Variants in CCDC180 observed in about 807,000 individuals in gnomAD.
CCDC180 encodes coiled-coil domain-containing protein 180.
CCDC180 carries 154 observed loss-of-function variants against 209.2 expected under a neutral mutation model. That is an observed-to-expected ratio of 0.74 (90% CI 0.65 to 0.84). CCDC180 has a LOEUF of 0.84. Among genes scored for constraint, CCDC180 ranks in the 40% least tolerant of loss-of-function variants. The probability of loss-of-function intolerance (pLI) is 0.00; values close to 1 mark genes in which losing one functional copy is unlikely to be tolerated. For missense variants in CCDC180, 1,874 were observed against 1,997.3 expected (o/e 0.94, Z 1.18); for synonymous variants, 778 against 749.1 (o/e 1.04, Z -0.63).
chr9:97,317,425 C>G (rs534219461), intron 9 of CCDC180, among the ~76,000 whole-genome samples, 197 bp downstream of exon 9: 4 of 152,202 alleles, frequency 2.6e-5, no homozygotes, highest in African/African-American at 9.7e-5. Flanking sequence ...GTGAGAAGCA[C>G]AGCAAATATT....
At chr9:97,346,267 C>T (rs1315910898) in intron 19 of CCDC180, among the ~76,000 whole-genome samples, 1 of 152,186 alleles carries the variant, frequency 6.6e-6, no homozygotes, top group Admixed American at 6.5e-5. Flanking sequence ...TAGTCTTCTC[C>T]TTCCATTATT....
At chr9:97,312,752 C>T (rs1218842268) in intron 4 of CCDC180, among the ~76,000 whole-genome samples, 2 of 146,926 alleles carry the variant, frequency 1.4e-5, no homozygotes, top group Admixed American at 1.4e-4. Context: ...GACAGCAGAG[C>T]ATATGGCAGG....
chr9:97,343,432 A>G lies in CCDC180; in HGVS notation c.2367A>G (p.Val789=), dbSNP rs1158313316. ...ISSGNTYFVF[V]PLEEEHCRKS... is the part of the protein sequence containing the mutation. ...GTGGAAACACTTATTTTGTCTTTGT[A>G]CCCCTGGAAGAAGAGCATTGTAGGA... Residue 789 remains valine (V), a synonymous_variant, in exon 19 of 37, where the codon GTA becomes GTG. Transcript: ENST00000529487. 1 of 1,613,722 alleles carries G rather than the reference A, an allele frequency of 6.2e-7. No individual in the cohort carries two copies. Among genetic ancestry groups the G allele is most frequent in the Admixed American group, 1.7e-5 (1 of 59,984 alleles).
intron 31 of CCDC180, among the ~76,000 whole-genome samples, chr9:97,367,194 T>C (rs893759106): frequency 6.6e-6 from 1 of 152,234 alleles, no homozygotes; most frequent in Non-Finnish European, 1.5e-5. Flanking sequence ...TATGTAGTCT[T>C]TGGGACTGGC....
chr9:97,309,161 A>G (rs1832897929), intron 2 of CCDC180, among the ~76,000 whole-genome samples: 1 of 152,236 alleles, frequency 6.6e-6, no homozygotes, highest in South Asian at 2.1e-4. Context: ...GTGATTATAA[A>G]AAAGGCTGAG....
In CCDC180 at chr9:97,315,008, G is replaced by A. The variant is rs1366819718; in HGVS notation, c.795+62G>A. 1.4e-5 allele frequency: 18 copies of A among 1,285,850 alleles called. No individual in the cohort carries two copies. In the Admixed American group the frequency reaches 3.1e-4, roughly 22 times the overall value. 79.7% of individuals were successfully genotyped at this position (1,285,850 alleles called of 1,614,324 possible). On this transcript the variant is annotated intron_variant, in intron 8 of 36. Transcript: ENST00000529487. ...AGAAGGGGCAGGACCAGGAACCCAG[G>A]GCACCCCGAGCCTGGTGTCTGGTGT...
In CCDC180 at chr9:97,320,112, A is replaced by G. The variant is rs1378754424; in HGVS notation, c.1080-14A>G. Reference sequence around the variant, plus strand: ...TGTTCCTGTGTGGCTTACTTGCTGTATCTTCCTTCCCAGTGACCTCCTGCC... The same window carrying G: ...TGTTCCTGTGTGGCTTACTTGCTGTGTCTTCCTTCCCAGTGACCTCCTGCC... On this transcript the variant is annotated splice_polypyrimidine_tract_variant and intron_variant, in intron 10 of 36. Transcript: ENST00000529487. 4 of 1,612,882 alleles carry G rather than the reference A, an allele frequency of 2.5e-6. No individual in the cohort carries two copies. Among genetic ancestry groups the G allele is most frequent in the East Asian group, 2.2e-5 (1 of 44,876 alleles).
At chr9:97,322,435 A>T (rs1048089706) in intron 11 of CCDC180, among the ~76,000 whole-genome samples, 7 of 152,194 alleles carry the variant, frequency 4.6e-5, no homozygotes, top group Admixed American at 1.3e-4. Context: ...GAAAATAAAT[A>T]AAAAAGCCAG....
In CCDC180 at chr9:97,370,009, A is replaced by G; in HGVS notation, c.4277A>G (p.Lys1426Arg). The G allele has an allele frequency of 6.2e-7, 1 of 1,614,210 alleles. No homozygotes were observed. The highest frequency in any genetic ancestry group is 8.5e-7 in the Non-Finnish European group (1 of 1,180,034). ...GAGAATTTCAAGGAACACCACTGGA[A>G]AAAGTTTTTCACCTCTGTGAAGGAG... ...VMENFKEHHW[K>R]KFFTSVKEIR... The change falls in exon 32 of 37, where the codon AAA (lysine) becomes AGA (arginine). Residue 1426 changes from lysine to arginine, a missense_variant. Transcript: ENST00000529487.
intron 19 of CCDC180, among the ~76,000 whole-genome samples, chr9:97,344,510 ATTT>A (rs1826191357): frequency 1.3e-5 from 2 of 152,182 alleles, no homozygotes; most frequent in Admixed American, 6.5e-5. Flanking sequence ...TACTGAGTGT[ATTT>A]AATCCCCTTA....
At chr9:97,364,405 T>G in intron 29 of CCDC180, 1 of 380,644 alleles carries the variant, frequency 2.6e-6, no homozygotes, top group Non-Finnish European at 4.7e-6. Flanking sequence ...GAACTTTTTT[T>G]TGTAATTTTT....
rs1587842522 is a variant in CCDC180 at position 97,377,050 on chromosome 9, A to G, written c.*156A>G. On this transcript the variant is annotated 3_prime_UTR_variant, in exon 37 of 37. Coordinates refer to ENST00000529487, the MANE Select transcript of CCDC180 (RefSeq NM_020893.6). Reference sequence around the variant, plus strand: ...GCTTTACCAGCGAACAGGACACAGCATGGTCCCTGCCCACGTGGAGCCCTC... The same window carrying G: ...GCTTTACCAGCGAACAGGACACAGCGTGGTCCCTGCCCACGTGGAGCCCTC... 1.3e-6 allele frequency: 1 copy of G among 747,782 alleles called. No individual in the cohort carries two copies. Among genetic ancestry groups the G allele is most frequent in the Non-Finnish European group, 2.0e-6 (1 of 497,946 alleles). The allele number at this position is 747,782 out of a possible 1,614,324, so 46.3% of individuals were successfully genotyped here.
chr9:97,347,453 C>T lies in CCDC180; in HGVS notation c.2638C>T (p.Gln880Ter), dbSNP rs1450321825. 5.9e-6 allele frequency: 9 copies of T among 1,536,006 alleles called. No homozygotes were observed. Among genetic ancestry groups the T allele is most frequent in the Non-Finnish European group, 7.8e-6 (9 of 1,146,916 alleles). Residue 880 changes from glutamine (Q) to a stop codon, truncating the protein, a stop_gained, in exon 20 of 37, where the codon CAG becomes TAG. Coordinates refer to ENST00000529487, the MANE Select transcript of CCDC180 (RefSeq NM_020893.6). LOFTEE classifies it high-confidence loss of function. Reference protein sequence around the residue: ...LHLHLHQPRAQQIEKDIHNVR... With the variant: ...LHLHLHQPRA ...TCTGCACCTGCACCAGCCAAGAGCC[C>T]AGCAGATTGAAAAAGACATCCACAA...
intron 3 of CCDC180, among the ~76,000 whole-genome samples, chr9:97,310,047 A>C (rs1196202828): frequency 6.6e-6 from 1 of 152,204 alleles, no homozygotes; most frequent in East Asian, 1.9e-4. Context: ...GCTGAAGGTA[A>C]ATGGACCCTG....
At chr9:97,335,408 T>G (rs1427742505) in intron 18 of CCDC180, among the ~76,000 whole-genome samples, 1 of 151,806 alleles carries the variant, frequency 6.6e-6, no homozygotes, top group African/African-American at 2.4e-5. Context: ...AATTCCCACC[T>G]ATGAGTGAGA....
rs1833120429 is a variant in CCDC180, at chr9:97,315,068, C to G, written c.795+122C>G. The G allele has an allele frequency of 1.2e-5, 8 of 693,106 alleles. No individual in the cohort carries two copies. In the South Asian group the frequency reaches 1.4e-4, roughly 13 times the overall value. 42.9% of individuals were successfully genotyped at this position (693,106 alleles called of 1,614,324 possible). A position where few individuals can be genotyped will look rare whatever the true frequency, so the allele number is the denominator to read the frequency against. ...GGTGGGCTTCTCATCTATAACGTTT[C>G]TAAGGGGCTCAGGTGGGCCTCTGAG... On this transcript the variant is annotated intron_variant, in intron 8 of 36. Coordinates refer to ENST00000529487, the MANE Select transcript of CCDC180 (RefSeq NM_020893.6).
chr9:97,357,509 C>T, intron 24 of CCDC180, 118 bp from the exon 25 acceptor site: 5 of 711,264 alleles, frequency 7.0e-6, no homozygotes, highest in Non-Finnish European at 1.2e-5. Context: ...GCATATTTTT[C>T]CCTGATTTCA....
At chr9:97,328,636 G>A (rs1451317653) in intron 16 of CCDC180, among the ~76,000 whole-genome samples, 5 of 151,612 alleles carry the variant, frequency 3.3e-5, no homozygotes, top group South Asian at 2.1e-4. Flanking sequence ...CTTCCTCATC[G>A]TGCTCCCTCT....
At chr9:97,360,924 A>G (rs981914239) in intron 26 of CCDC180, among the ~76,000 whole-genome samples, 5 of 152,150 alleles carry the variant, frequency 3.3e-5, no homozygotes, top group African/African-American at 9.6e-5. Context: ...GAGCACTGCT[A>G]GGCCCTGCTC....
Sources: allele counts gnomAD v4.1 joint callset (sites outside exome capture counted in the v4.1 genomes callset), GRCh38; gene constraint gnomAD v4.1.1; transcripts MANE v1.5; gene names NCBI Gene and HGNC (gene_info 2026-07-23, HGNC 2026-07-21).